DACH2: variants seen among roughly 807,000 people sequenced by gnomAD.
The protein encoded by DACH2 is dachshund homolog 2.
DACH2 carries 17 observed loss-of-function variants against 35.8 expected under a neutral mutation model. That is an observed-to-expected ratio of 0.48 (90% confidence interval 0.33 to 0.71). The LOEUF (loss-of-function observed/expected upper bound fraction) is 0.71, where lower values mean the gene tolerates loss of function less well. Among genes scored for constraint, DACH2 ranks in the 30% least tolerant of loss-of-function variants. DACH2 has a pLI of 0.02. For synonymous variants in DACH2, 195 were observed against 177.3 expected, an observed-to-expected ratio of 1.10 and a Z score of -0.79; for missense variants, 469 against 472.7, an observed-to-expected ratio of 0.99 and a Z score of 0.07.
intron 1 of DACH2, among the ~76,000 whole-genome samples, chrX:86,288,752 A>T (rs1029700446): frequency 1.8e-5 from 2 of 110,647 alleles, no homozygotes; most frequent in African/African-American, 6.6e-5. Flanking sequence ...TGTGTTGAAT[A>T]CTCTGACTTT....
chrX:86,163,155 T>C (rs1370501113), intron 1 of DACH2, among the ~76,000 whole-genome samples: 2 of 111,290 alleles, frequency 1.8e-5, no homozygotes, highest in Admixed American at 9.6e-5. Flanking sequence ...CCCTCTATTT[T>C]TTTTGTACCC....
chrX:86,309,739 G>T (rs1340222850), intron 1 of DACH2, among the ~76,000 whole-genome samples: 3 of 112,085 alleles, frequency 2.7e-5, no homozygotes, highest in African/African-American at 9.8e-5. Context: ...TGCTGTATTT[G>T]ACCCTCCTAC....
intron 5 of DACH2, among the ~76,000 whole-genome samples, chrX:86,696,862 A>G (rs1270962567): frequency 9.0e-6 from 1 of 111,353 alleles, no homozygotes; most frequent in East Asian, 2.8e-4. Context: ...TCATGTTTCT[A>G]GTAAGGGGAA....
At chrX:86,313,509 T>C (rs1280397086) in intron 1 of DACH2, among the ~76,000 whole-genome samples, 1 of 112,050 alleles carries the variant, frequency 8.9e-6, no homozygotes, top group African/African-American at 3.2e-5. Context: ...AAACACCGAC[T>C]CAACTTGAAT....
rs148574159 is a variant in DACH2 at position 86,155,992 on chromosome X, T to G, written c.488+6884T>G. ...GAAAATAGTTAACTTTTTTTCAATT[T>G]TTCTTTAAAATGTGTAAATGCCTTT... On this transcript the variant is annotated intron_variant, in intron 1 of 11. Coordinates refer to ENST00000373125, the MANE Select transcript of DACH2 (RefSeq NM_053281.3). Among the ~76,000 whole-genome samples, 446 of 111,291 alleles carry G rather than the reference T, an allele frequency of 4.0e-3. 5 individuals carry two copies. The highest frequency in any genetic ancestry group is 0.014 in the African/African-American group (418 of 30,886).
chrX:86,411,019 A>ATT (rs1305086107), intron 2 of DACH2, among the ~76,000 whole-genome samples: 1 of 17,226 alleles, frequency 5.8e-5, no homozygotes, highest in Non-Finnish European at 8.6e-5. Flanking sequence ...AACTAATATG[A>ATT]TTATATATAT....
intron 7 of DACH2, among the ~76,000 whole-genome samples, chrX:86,748,030 A>G (rs768813236): frequency 3.6e-4 from 40 of 112,197 alleles, no homozygotes; most frequent in Non-Finnish European, 5.3e-4. Context: ...TTGTTCATCC[A>G]TAAAATAACA....
intron 7 of DACH2, among the ~76,000 whole-genome samples, chrX:86,756,048 A>T (rs895204627): frequency 1.8e-5 from 2 of 110,893 alleles, no homozygotes; most frequent in Admixed American, 9.6e-5. Context: ...TTGGCTATAA[A>T]TGGGTGGATT....
chrX:86,525,858 G>T (rs1462387147), intron 3 of DACH2, among the ~76,000 whole-genome samples: 1 of 111,375 alleles, frequency 9.0e-6, no homozygotes, highest in African/African-American at 3.3e-5. Flanking sequence ...ATTATAAAAA[G>T]ACATTTCCAT....
At chrX:86,535,330 G>T (rs2038782242) in intron 3 of DACH2, among the ~76,000 whole-genome samples, 2 of 111,509 alleles carry the variant, frequency 1.8e-5, no homozygotes, top group African/African-American at 6.5e-5. Flanking sequence ...TGCTGTAACA[G>T]AATATGTGAG....
intron 1 of DACH2, among the ~76,000 whole-genome samples, chrX:86,198,303 CAA>C (rs2147899100): frequency 9.0e-6 from 1 of 111,712 alleles, no homozygotes; most frequent in East Asian, 2.8e-4. Flanking sequence ...ACACCCACAT[CAA>C]AAAGTTAGAA....
At chrX:86,429,875 A>C (rs1388473944) in intron 2 of DACH2, among the ~76,000 whole-genome samples, 1 of 112,302 alleles carries the variant, frequency 8.9e-6, no homozygotes, top group Non-Finnish European at 1.9e-5. Flanking sequence ...AAGTGCATTA[A>C]ATGATTCCAT....
At chrX:86,598,605 G>C (rs1448427186) in intron 3 of DACH2, among the ~76,000 whole-genome samples, 1 of 110,589 alleles carries the variant, frequency 9.0e-6, no homozygotes. Context: ...CATGATCCTT[G>C]CTGGTTAACA....
At chrX:86,771,159 C>T (rs1449093616) in intron 7 of DACH2, among the ~76,000 whole-genome samples, 8 of 112,948 alleles carry the variant, frequency 7.1e-5, no homozygotes, top group Non-Finnish European at 1.5e-4. Flanking sequence ...AGTCAGTTTG[C>T]TGATGAGGAT....
At chrX:86,478,542 C>CT (rs767463672) in intron 2 of DACH2, among the ~76,000 whole-genome samples, 9,346 of 86,864 alleles carry the variant, frequency 0.11, 653 homozygotes, top group Non-Finnish European at 0.17. Context: ...TTTTGTTTTT[C>CT]TTTTTTTTTT....
At chrX:86,398,131 C>A (rs1040663331) in intron 2 of DACH2, among the ~76,000 whole-genome samples, 2 of 111,659 alleles carry the variant, frequency 1.8e-5, no homozygotes, top group Admixed American at 1.9e-4. Flanking sequence ...GTGTATGTGT[C>A]GAGGAATTTA....
intron 1 of DACH2, among the ~76,000 whole-genome samples, chrX:86,347,730 C>A (rs2035521845): frequency 8.9e-6 from 1 of 112,642 alleles, no homozygotes; most frequent in African/African-American, 3.2e-5. Flanking sequence ...CTCACCATTC[C>A]ATTTTAAAGA....
intron 7 of DACH2, among the ~76,000 whole-genome samples, chrX:86,772,152 A>T (rs993103037): frequency 1.8e-5 from 2 of 111,599 alleles, no homozygotes; most frequent in East Asian, 5.6e-4. Flanking sequence ...GGTATGAGGA[A>T]TAAAGGAGAT....
chrX:86,168,972 G>A (rs1427464090), intron 1 of DACH2, among the ~76,000 whole-genome samples: 5 of 110,932 alleles, frequency 4.5e-5, no homozygotes, highest in African/African-American at 1.6e-4. Context: ...GTTTTTTTGT[G>A]TGCTTATTAT....
Sources: allele counts gnomAD v4.1 joint callset (sites outside exome capture counted in the v4.1 genomes callset), GRCh38; gene constraint gnomAD v4.1.1; transcripts MANE v1.5; gene names NCBI Gene and HGNC (gene_info 2026-07-23, HGNC 2026-07-21).